Variants in PTPRK observed in about 807,000 individuals in gnomAD.
The protein encoded by PTPRK is protein tyrosine phosphatase receptor type K, also known as receptor-type tyrosine-protein phosphatase kappa.
PTPRK carries 75 observed loss-of-function variants against 178.0 expected under a neutral mutation model. The ratio of observed to expected loss-of-function variants is 0.42; its 90% confidence interval spans 0.35 to 0.51. PTPRK has a LOEUF of 0.51. PTPRK is among the 20% of genes least tolerant of loss of function. The pLI is 0.02. For synonymous variants in PTPRK, 637 were observed against 620.6 expected (o/e 1.03, Z -0.39); for missense variants, 1,441 against 1,797.8 (o/e 0.80, Z 3.59).
chr6:128,125,724 C>T (rs548989946), intron 7 of PTPRK, among the ~76,000 whole-genome samples: 5 of 150,368 alleles, frequency 3.3e-5, no homozygotes, highest in Admixed American at 2.7e-4. Context: ...ATTCTTCTGC[C>T]TCGGCCTCCT....
At chr6:128,166,037 C>A (rs1357622101) in intron 7 of PTPRK, among the ~76,000 whole-genome samples, 1 of 151,552 alleles carries the variant, frequency 6.6e-6, no homozygotes, top group East Asian at 1.9e-4. Context: ...TAATTCTGAC[C>A]AGTACGTCTT....
At chr6:128,256,539 C>T (rs1817345847) in intron 3 of PTPRK, among the ~76,000 whole-genome samples, 1 of 151,258 alleles carries the variant, frequency 6.6e-6, no homozygotes, top group African/African-American at 2.4e-5. Context: ...CTCCCGGGTT[C>T]AAGCACTTCT....
intron 2 of PTPRK, among the ~76,000 whole-genome samples, chr6:128,333,564 A>G (rs987764201): frequency 6.6e-6 from 1 of 152,084 alleles, no homozygotes; most frequent in Non-Finnish European, 1.5e-5. Context: ...GCTAACAATC[A>G]TCTGAGCCTT....
At chr6:128,092,327 TA>T (rs1562568663) in intron 7 of PTPRK, among the ~76,000 whole-genome samples, 1 of 152,168 alleles carries the variant, frequency 6.6e-6, no homozygotes, top group East Asian at 1.9e-4. Flanking sequence ...CACTTTAGGA[TA>T]GTACTCAGAA....
chr6:128,187,813 T>A (rs558103348), intron 6 of PTPRK, among the ~76,000 whole-genome samples: 8 of 152,180 alleles, frequency 5.3e-5, no homozygotes, highest in Non-Finnish European at 1.0e-4. Context: ...AACAGCATGA[T>A]TTTAAGATGT....
intron 13 of PTPRK, among the ~76,000 whole-genome samples, chr6:128,059,381 A>T (rs1480286103): frequency 6.6e-6 from 1 of 152,140 alleles, no homozygotes; most frequent in African/African-American, 2.4e-5. Context: ...TCCTACACTA[A>T]TTTTTAGAGA....
At chr6:128,117,486 A>C (rs1010883397) in intron 7 of PTPRK, among the ~76,000 whole-genome samples, 4 of 152,186 alleles carry the variant, frequency 2.6e-5, no homozygotes, top group African/African-American at 9.7e-5. Context: ...GTTTGAATCC[A>C]TTGGCAACAA....
At chr6:128,098,939 A>G (rs1788340822) in intron 7 of PTPRK, among the ~76,000 whole-genome samples, 1 of 151,948 alleles carries the variant, frequency 6.6e-6, no homozygotes, top group Non-Finnish European at 1.5e-5. Flanking sequence ...TTTCTTCACT[A>G]CACTCCCACA....
intron 1 of PTPRK, among the ~76,000 whole-genome samples, chr6:128,469,940 A>C (rs1241908945): frequency 6.6e-6 from 1 of 152,262 alleles, no homozygotes; most frequent in South Asian, 2.1e-4. Context: ...TCCAGAAGGA[A>C]CCTAGCCCTG....
At chr6:128,006,642 T>C (rs1416787022) in intron 14 of PTPRK, among the ~76,000 whole-genome samples, 3 of 151,058 alleles carry the variant, frequency 2.0e-5, no homozygotes, top group African/African-American at 4.8e-5. Flanking sequence ...CATGATATCA[T>C]ACACAAACAT....
At chr6:128,166,183 C>A (rs1227088141) in intron 7 of PTPRK, among the ~76,000 whole-genome samples, 2 of 151,644 alleles carry the variant, frequency 1.3e-5, no homozygotes, top group Non-Finnish European at 3.0e-5. Context: ...GAAGGTTATG[C>A]ATTACGGACA....
At chr6:128,339,061 T>C (rs1369178165) in intron 2 of PTPRK, among the ~76,000 whole-genome samples, 1 of 152,098 alleles carries the variant, frequency 6.6e-6, no homozygotes, top group East Asian at 1.9e-4. Context: ...ATAAATAAAA[T>C]ATAAGAGTCA....
At chr6:128,018,425 A>C (rs532325489) in intron 13 of PTPRK, among the ~76,000 whole-genome samples, 35 of 152,254 alleles carry the variant, frequency 2.3e-4, no homozygotes, top group South Asian at 1.9e-3. Flanking sequence ...TTTTCATAGC[A>C]TCAGTTGGTA....
chr6:128,510,189 G>T (rs2128442702), intron 1 of PTPRK, among the ~76,000 whole-genome samples: 1 of 152,282 alleles, frequency 6.6e-6, no homozygotes, highest in African/African-American at 2.4e-5. Context: ...CAGGCCAGCT[G>T]CCCTGGCCAT....
intron 1 of PTPRK, among the ~76,000 whole-genome samples, chr6:128,447,184 A>C (rs796363708): frequency 6.6e-6 from 1 of 152,232 alleles, no homozygotes; most frequent in Non-Finnish European, 1.5e-5. Flanking sequence ...GCAAGCTGTT[A>C]TCTTGGTTGG....
intron 7 of PTPRK, among the ~76,000 whole-genome samples, chr6:128,149,957 G>A (rs1437162824): frequency 1.3e-5 from 2 of 152,092 alleles, no homozygotes; most frequent in African/African-American, 4.8e-5. Flanking sequence ...CAACATGCCA[G>A]GATTTCATTA....
chr6:128,304,056 A>T (rs1826025326), intron 3 of PTPRK, among the ~76,000 whole-genome samples: 1 of 152,216 alleles, frequency 6.6e-6, no homozygotes, highest in Non-Finnish European at 1.5e-5. Flanking sequence ...CATTAACATT[A>T]TTCTGAAATG....
At chr6:128,134,850 T>C (rs1794778689) in intron 7 of PTPRK, among the ~76,000 whole-genome samples, 1 of 152,052 alleles carries the variant, frequency 6.6e-6, no homozygotes, top group Admixed American at 6.6e-5. Flanking sequence ...TCAGTAGACT[T>C]TGAGTTAACA....
chr6:127,997,563 A>C (rs1324480774), intron 16 of PTPRK, among the ~76,000 whole-genome samples: 1 of 152,118 alleles, frequency 6.6e-6, no homozygotes, highest in Non-Finnish European at 1.5e-5. Flanking sequence ...TGACTAGTTT[A>C]ATTACTATAT....
Sources: gnomAD v4.1 joint callset for allele counts (sites outside exome capture counted in the v4.1 genomes callset) on GRCh38, gnomAD v4.1.1 for gene constraint, MANE v1.5 for transcripts, NCBI Gene and HGNC (gene_info 2026-07-23, HGNC 2026-07-21) for gene names.